The following RSPH14 variants were observed in gnomAD, a reference collection of about 807,000 sequenced individuals.
RSPH14 encodes the protein radial spoke head 14 homolog.
A neutral mutation model predicts 26.7 loss-of-function variants in RSPH14; 20 were observed. The ratio of observed to expected loss-of-function variants is 0.75; its 90% CI spans 0.53 to 1.09. RSPH14 has a LOEUF of 1.09. Ranked by LOEUF, RSPH14 falls within the 50% of genes least tolerant of loss-of-function variation. The pLI is 0.00. For missense variants in RSPH14, 449 were observed against 457.2 expected (o/e 0.98, Z 0.16); for synonymous variants, 177 against 189.3 (o/e 0.93, Z 0.53).
chr22:23,148,233 G>A (rs1025064578), upstream of RSPH14, among the ~76,000 whole-genome samples: 2 of 152,134 alleles, frequency 1.3e-5, no homozygotes, highest in Admixed American at 6.6e-5. Context: ...CAGACCTGTG[G>A]ACAGTTCCCC....
At chr22:23,062,909 A>T (rs1427893303) in intron 5 of RSPH14, among the ~76,000 whole-genome samples, 1 of 152,246 alleles carries the variant, frequency 6.6e-6, no homozygotes, top group Non-Finnish European at 1.5e-5. Flanking sequence ...ATAATTCTCA[A>T]CTGGGAGCCA....
Position 23,073,475 on chromosome 22 carries a change from G to A in RSPH14, c.422-9342C>T, listed in dbSNP as rs184094863. 3.1e-4 allele frequency among the ~76,000 whole-genome samples: 47 copies of A among 152,354 alleles called. No homozygotes were observed. In the East Asian group the frequency reaches 6.0e-3, roughly 19 times the overall value. ...CAGTCTAGGTGGCAGAAGACCTGGA[G>A]TCAGGTCCTGGTCCCACCATCCTAG... On this transcript the variant is annotated intron_variant, in intron 4 of 6. Coordinates refer to ENST00000216036, the MANE Select transcript of RSPH14 (RefSeq NM_014433.3).
intron 4 of RSPH14, among the ~76,000 whole-genome samples, chr22:23,086,546 T>C (rs2068825435): frequency 6.6e-6 from 1 of 152,108 alleles, no homozygotes; most frequent in Non-Finnish European, 1.5e-5. Flanking sequence ...CACACTATAG[T>C]TGAGGAAAGC....
At chr22:23,145,260 C>A, upstream of RSPH14, 1 of 1,005,714 alleles carries the variant, frequency 9.9e-7, no homozygotes, top group Non-Finnish European at 1.5e-6. Context: ...CACCGCCCAC[C>A]CATCCAGCAC....
At chr22:23,121,890 T>TTTG (rs143092310) in intron 4 of RSPH14, among the ~76,000 whole-genome samples, 4 of 151,682 alleles carry the variant, frequency 2.6e-5, no homozygotes, top group Non-Finnish European at 5.9e-5. Flanking sequence ...CCCAGCTAAT[T>TTTG]TTGTTGTTGT....
chr22:23,106,909 A>G (rs966419455), intron 4 of RSPH14, among the ~76,000 whole-genome samples: 7 of 152,112 alleles, frequency 4.6e-5, no homozygotes, highest in Non-Finnish European at 1.0e-4. Context: ...TGCCATTACT[A>G]CGGGTCACCC....
chr22:23,130,118 A>AGAAG (rs1491584423), intron 4 of RSPH14, among the ~76,000 whole-genome samples: 17 of 114,840 alleles, frequency 1.5e-4, no homozygotes, highest in South Asian at 8.6e-4. Flanking sequence ...AAAGAAAGAA[A>AGAAG]GAAAGAAAGA....
the RSPH14 span, among the ~76,000 whole-genome samples, chr22:23,159,442 G>A: frequency 7.2e-5 from 11 of 152,228 alleles, no homozygotes; most frequent in African/African-American, 1.7e-4. Context: ...GAGGAGCTGC[G>A]TCATCTCTAG....
At chr22:23,145,871 C>T, upstream of RSPH14, 1 of 610,238 alleles carries the variant, frequency 1.6e-6, no homozygotes, top group Non-Finnish European at 2.1e-6. Flanking sequence ...GAGTCAGAGG[C>T]CTGGTGAAGT....
intron 4 of RSPH14, chr22:23,131,823 A>AC (rs1206420605): frequency 1.7e-5 from 7 of 416,396 alleles, no homozygotes; most frequent in African/African-American, 1.4e-4. Flanking sequence ...GCAGGGCCCC[A>AC]CCCCCAGAGA....
intron 4 of RSPH14, among the ~76,000 whole-genome samples, chr22:23,065,939 T>A (rs9608071): frequency 6.6e-6 from 1 of 151,682 alleles, no homozygotes; most frequent in East Asian, 1.9e-4. Flanking sequence ...CCTCTCTCTC[T>A]CGCAGCTCCC....
chr22:23,116,214 G>A (rs1252693643), intron 4 of RSPH14, among the ~76,000 whole-genome samples: 1 of 152,232 alleles, frequency 6.6e-6, no homozygotes. Context: ...AGGGGCTGAG[G>A]GGCCTTCTGG....
At chr22:23,117,628 T>A (rs1601833149) in intron 4 of RSPH14, among the ~76,000 whole-genome samples, 2 of 152,254 alleles carry the variant, frequency 1.3e-5, no homozygotes, top group South Asian at 4.1e-4. Flanking sequence ...CCCACTGGGG[T>A]GCCAGTGGTA....
chr22:23,160,234 C>A, the RSPH14 span, among the ~76,000 whole-genome samples: 1 of 152,208 alleles, frequency 6.6e-6, no homozygotes, highest in African/African-American at 2.4e-5. Context: ...CTGCTCCTTT[C>A]CAACAGTGAG....
intron 5 of RSPH14, among the ~76,000 whole-genome samples, chr22:23,062,910 C>T (rs76816977): frequency 0.049 from 7,523 of 152,316 alleles, 683 homozygotes; most frequent in African/African-American, 0.17. Flanking sequence ...TAATTCTCAA[C>T]TGGGAGCCAA....
chr22:23,061,728 C>G (rs994185071), intron 6 of RSPH14, 81 bp downstream of exon 6: 1 of 1,552,388 alleles, frequency 6.4e-7, no homozygotes, highest in Non-Finnish European at 8.8e-7. Flanking sequence ...GGGACGATAC[C>G]CAGCCCCTGA....
At chr22:23,081,803 C>T (rs1206951888) in intron 4 of RSPH14, among the ~76,000 whole-genome samples, 1 of 108,682 alleles carries the variant, frequency 9.2e-6, no homozygotes, top group Non-Finnish European at 1.7e-5. Flanking sequence ...GCCTGGGCAA[C>T]AGAGTGAGAT....
chr22:23,130,745 A>G (rs879608889), intron 4 of RSPH14, among the ~76,000 whole-genome samples: 3 of 152,246 alleles, frequency 2.0e-5, no homozygotes, highest in Non-Finnish European at 4.4e-5. Context: ...CTCCAGAGGC[A>G]CTGGGCAGGA....
upstream of RSPH14, chr22:23,145,258 A>AC: frequency 1.6e-5 from 3 of 185,912 alleles, no homozygotes; most frequent in East Asian, 1.2e-4. Flanking sequence ...CCCACCGCCC[A>AC]CCCATCCAGC....
Sources: allele counts gnomAD v4.1 joint callset (sites outside exome capture counted in the v4.1 genomes callset), GRCh38; gene constraint gnomAD v4.1.1; transcripts MANE v1.5; gene names NCBI Gene and HGNC (gene_info 2026-07-23, HGNC 2026-07-21).